MME: variants seen among roughly 807,000 people sequenced by gnomAD.
The protein encoded by MME is membrane metalloendopeptidase, also known as neprilysin.
MME carries 98 observed loss-of-function variants against 113.2 expected under a neutral mutation model. The observed-to-expected ratio is 0.87, with a 90% confidence interval of 0.74 to 1.02. MME has a LOEUF of 1.02. Among genes scored for constraint, MME ranks in the 50% least tolerant of loss-of-function variants. The pLI, the probability that MME is intolerant of heterozygous loss-of-function variation, is 0.00. For synonymous variants in MME, 292 were observed against 300.6 expected, an observed-to-expected ratio of 0.97 and a Z score of 0.30; for missense variants, 836 against 896.0, an observed-to-expected ratio of 0.93 and a Z score of 0.86.
intron 8 of MME, among the ~76,000 whole-genome samples, chr3:155,132,815 G>C (rs999859309): frequency 4.0e-5 from 6 of 151,440 alleles, no homozygotes; most frequent in African/African-American, 1.5e-4. Context: ...AGCACTTTGG[G>C]ACTCAGAGGT....
At chr3:155,078,191 C>T (rs1714831216), upstream of MME, among the ~76,000 whole-genome samples, 1 of 152,140 alleles carries the variant, frequency 6.6e-6, no homozygotes, top group Admixed American at 6.5e-5. Flanking sequence ...CCACTGCACT[C>T]CAGCCTGGGC....
intron 1 of MME, among the ~76,000 whole-genome samples, chr3:155,071,044 G>T (rs79522784): frequency 6.6e-6 from 1 of 152,128 alleles, no homozygotes; most frequent in African/African-American, 2.4e-5. Flanking sequence ...CATGTTCCTT[G>T]GTATGTGGTG....
intron 1 of MME, among the ~76,000 whole-genome samples, chr3:155,055,229 G>A (rs56072333): frequency 0.053 from 8,080 of 152,192 alleles, 624 homozygotes; most frequent in African/African-American, 0.17. Context: ...TAGTAAGAGT[G>A]GACAAACTAA....
chr3:155,075,900 C>A (rs1442618065), upstream of MME, among the ~76,000 whole-genome samples: 1 of 152,116 alleles, frequency 6.6e-6, no homozygotes, highest in Non-Finnish European at 1.5e-5. Flanking sequence ...TTTAGTTGAT[C>A]TTTTTTATCA....
At chr3:155,045,794 T>C (rs1713538068) in intron 1 of MME, among the ~76,000 whole-genome samples, 1 of 152,134 alleles carries the variant, frequency 6.6e-6, no homozygotes, top group South Asian at 2.1e-4. Context: ...AGTTTGCTTT[T>C]TTTTTTAGCT....
chr3:155,084,068 C>G, intron 1 of MME, 90 bp from the exon 2 acceptor site: 1 of 1,164,102 alleles, frequency 8.6e-7, no homozygotes, highest in Non-Finnish European at 1.3e-6. Flanking sequence ...AATAACTGAG[C>G]CTTTTACTTT....
chr3:155,067,250 G>T (rs1214351603), intron 1 of MME, among the ~76,000 whole-genome samples: 7 of 92,480 alleles, frequency 7.6e-5, no homozygotes, highest in African/African-American at 1.5e-4. Context: ...ATAGATTTTT[G>T]TATGTTTTAA....
upstream of MME, among the ~76,000 whole-genome samples, chr3:155,075,906 T>A (rs1353735753): frequency 6.6e-6 from 1 of 152,228 alleles, no homozygotes; most frequent in Non-Finnish European, 1.5e-5. Flanking sequence ...TGATCTTTTT[T>A]ATCACCATTC....
chr3:155,085,212 TG>T, intron 3 of MME, 118 bp downstream of exon 3: 2 of 634,268 alleles, frequency 3.2e-6, no homozygotes, highest in South Asian at 4.3e-5. Context: ...ATTATTTATG[TG>T]TCTGGCTCTA....
chr3:155,081,241 C>G (rs566864501), intron 1 of MME: 22 of 152,304 alleles, frequency 1.4e-4, no homozygotes, highest in South Asian at 2.1e-4. Context: ...AAGATGAAAA[C>G]TGCTTAGCTA....
At chr3:155,164,582 G>A (rs1722953671) in intron 17 of MME, among the ~76,000 whole-genome samples, 1 of 152,028 alleles carries the variant, frequency 6.6e-6, no homozygotes, top group African/African-American at 2.4e-5. Context: ...GGCATATCAG[G>A]GTATGATTAA....
chr3:155,166,883 C>T lies in MME; in HGVS notation c.1661-19C>T. 1 of 1,613,452 alleles carries T rather than the reference C, an allele frequency of 6.2e-7. No homozygotes were observed. Among genetic ancestry groups the T allele is most frequent in the South Asian group, 1.1e-5 (1 of 91,084 alleles). On this transcript the variant is annotated intron_variant, in intron 17 of 22. Coordinates refer to ENST00000360490, the MANE Select transcript of MME (RefSeq NM_007289.4). ...AACTTATGCCACAAATAATCTCTAACTATCTTCTCTCCTTGTAGTCTTCCC... is the reference window on the plus strand; with the variant it reads ...AACTTATGCCACAAATAATCTCTAATTATCTTCTCTCCTTGTAGTCTTCCC...
intron 8 of MME, among the ~76,000 whole-genome samples, chr3:155,121,459 T>C (rs1285025805): frequency 4.0e-5 from 6 of 150,014 alleles, no homozygotes; most frequent in Non-Finnish European, 1.5e-5. Flanking sequence ...CTATGTTGAA[T>C]AGGAGTGGTG....
intron 22 of MME, among the ~76,000 whole-genome samples, chr3:155,174,795 G>T (rs1475532520): frequency 1.3e-5 from 2 of 151,994 alleles, no homozygotes; most frequent in Non-Finnish European, 2.9e-5. Context: ...AGAAGTTAAG[G>T]TATAAGAATC....
At chr3:155,136,944 C>A (rs946877904) in intron 8 of MME, among the ~76,000 whole-genome samples, 1 of 152,060 alleles carries the variant, frequency 6.6e-6, no homozygotes, top group Non-Finnish European at 1.5e-5. Flanking sequence ...GAGGTGGAAT[C>A]GTAATGTATT....
intron 14 of MME, among the ~76,000 whole-genome samples, chr3:155,144,661 T>C (rs1721374092): frequency 6.6e-6 from 1 of 152,182 alleles, no homozygotes; most frequent in African/African-American, 2.4e-5. Context: ...ACCAATACTC[T>C]AGCAAGGTGA....
chr3:155,099,192 G>C lies in MME; in HGVS notation c.196+14098G>C, dbSNP rs111857757. Among the ~76,000 whole-genome samples, 331 of 152,258 alleles carry C rather than the reference G, an allele frequency of 2.2e-3. 1 individual carries two copies. Among genetic ancestry groups the C allele is most frequent in the African/African-American group, 7.0e-3 (292 of 41,542 alleles). ...ATGTAATTATCACTCAAAAGGGTAA[G>C]CAGCAACTAATAAGAAGAGGTGCTG... On this transcript the variant is annotated intron_variant, in intron 3 of 22. Transcript: ENST00000360490.
intron 3 of MME, among the ~76,000 whole-genome samples, chr3:155,105,006 T>C (rs529157701): frequency 1.6e-4 from 24 of 148,178 alleles, no homozygotes; most frequent in Middle Eastern, 3.5e-3. Flanking sequence ...GAATACTTTT[T>C]ATTATTATTA....
chr3:155,132,596 G>A (rs1720225175), intron 8 of MME, among the ~76,000 whole-genome samples: 1 of 151,916 alleles, frequency 6.6e-6, no homozygotes, highest in South Asian at 2.1e-4. Context: ...AACAATCATT[G>A]ATTTGCTATC....
Sources: gnomAD v4.1 joint callset for allele counts (sites outside exome capture counted in the v4.1 genomes callset) on GRCh38, gnomAD v4.1.1 for gene constraint, MANE v1.5 for transcripts, NCBI Gene and HGNC (gene_info 2026-07-23, HGNC 2026-07-21) for gene names.